The following XYLT1 variants were observed in gnomAD, a reference collection of about 807,000 sequenced individuals.
The protein encoded by XYLT1 is xylosyltransferase 1.
In XYLT1, 36 loss-of-function variants were observed where a neutral mutation model predicts 91.3. That is an observed-to-expected ratio of 0.39 (90% CI 0.30 to 0.52). The LOEUF (loss-of-function observed/expected upper bound fraction) is 0.52, where lower values mean the gene tolerates loss of function less well. Among genes scored for constraint, XYLT1 ranks in the 20% least tolerant of loss-of-function variants. The probability of loss-of-function intolerance (pLI) is 0.68; values close to 1 mark genes in which losing one functional copy is unlikely to be tolerated. For synonymous variants in XYLT1, 588 were observed against 532.0 expected, an observed-to-expected ratio of 1.11 and a Z score of -1.45; for missense variants, 1,242 against 1,284.5, an observed-to-expected ratio of 0.97 and a Z score of 0.51.
chr16:17,321,745 T>C (rs1453904600), intron 2 of XYLT1, among the ~76,000 whole-genome samples: 3 of 152,146 alleles, frequency 2.0e-5, no homozygotes, highest in South Asian at 4.1e-4. Context: ...ATAGACATTG[T>C]GGTTCCAGGG....
In XYLT1 at chr16:17,298,937, T is replaced by C. The variant is rs1596471412; in HGVS notation, c.403-39439A>G. On this transcript the variant is annotated intron_variant, in intron 2 of 11. Coordinates refer to ENST00000261381, the MANE Select transcript of XYLT1 (RefSeq NM_022166.4). ...GCTCCTCAGGCCACGTATCACTCTCTGGGCTATTAAAGATTATAATTATAA... is the reference window on the plus strand; with the variant it reads ...GCTCCTCAGGCCACGTATCACTCTCCGGGCTATTAAAGATTATAATTATAA... 2.0e-5 allele frequency among the ~76,000 whole-genome samples: 3 copies of C among 152,194 alleles called. No individual in the cohort carries two copies. The East Asian group carries it at 5.8e-4, about 29-fold the overall frequency.
rs1407448868 is a variant in XYLT1 at position 17,312,585 on chromosome 16, C to G, written c.402+45427G>C. ...TGTAACTGCAGTGCAATATTAAAAC[C>G]AGGCAATTCACATCAGTACAATACT... is the stretch of plus-strand genomic sequence containing the variant. On this transcript the variant is annotated intron_variant, in intron 2 of 11. Transcript: ENST00000261381. This position sits in a 1 kb window ranked among gnomAD's most constrained non-coding sequence, Gnocchi z 4.4. 6.6e-6 allele frequency among the ~76,000 whole-genome samples: 1 copy of G among 152,192 alleles called. No individual in the cohort carries two copies. The highest frequency in any genetic ancestry group is 1.5e-5 in the Non-Finnish European group (1 of 68,042).
At chr16:17,154,854 G>A (rs2031367691) in intron 6 of XYLT1, among the ~76,000 whole-genome samples, 4 of 152,198 alleles carry the variant, frequency 2.6e-5, no homozygotes, top group Non-Finnish European at 5.9e-5. Context: ...TAGGAGCTAC[G>A]TGGAATTAAA....
At chr16:17,129,477 G>C (rs1333231187) in intron 9 of XYLT1, among the ~76,000 whole-genome samples, 1 of 152,090 alleles carries the variant, frequency 6.6e-6, no homozygotes, top group African/African-American at 2.4e-5. Flanking sequence ...GGCCAGGCTG[G>C]TCTCAAACTC....
chr16:17,218,343 G>A (rs2032900022), intron 3 of XYLT1, among the ~76,000 whole-genome samples: 1 of 150,514 alleles, frequency 6.6e-6, no homozygotes, highest in Non-Finnish European at 1.5e-5. Context: ...GTGGGGAGAG[G>A]GGAGTAGTGC....
chr16:17,134,505 C>T lies in XYLT1; in HGVS notation c.1995G>A (p.Thr665=), dbSNP rs779046536. 31 of 1,614,028 alleles carry T rather than the reference C, an allele frequency of 1.9e-5. No homozygotes were observed. The highest frequency in any genetic ancestry group is 1.6e-4 in the Middle Eastern group (1 of 6,084). Residue 665 remains threonine, a synonymous_variant, in exon 9 of 12, where the codon ACG becomes ACA. Coordinates refer to ENST00000261381, the MANE Select transcript of XYLT1 (RefSeq NM_022166.4). ...TGTTCTCCCCATCCGTGTGCAGGGA[C>T]GTCTCGGCCCGTCGAAGACCCAGGC... ...FARLGLRRAE[T]SLHTDGENSC... is the part of the protein sequence containing the mutation.
intron 5 of XYLT1, among the ~76,000 whole-genome samples, chr16:17,192,381 C>T (rs2032333167): frequency 6.6e-6 from 1 of 152,130 alleles, no homozygotes; most frequent in African/African-American, 2.4e-5. Context: ...GCATTACAGG[C>T]ATGAGCCACC....
chr16:17,417,171 AT>A (rs2036189492), intron 1 of XYLT1, among the ~76,000 whole-genome samples: 1 of 152,218 alleles, frequency 6.6e-6, no homozygotes, highest in South Asian at 2.1e-4. Flanking sequence ...ACTCACAGTC[AT>A]TTCCAGGAGA....
At chr16:17,431,810 C>T (rs769388271) in intron 1 of XYLT1, among the ~76,000 whole-genome samples, 1 of 152,148 alleles carries the variant, frequency 6.6e-6, no homozygotes, top group Admixed American at 6.5e-5. Context: ...TTTATAAAAG[C>T]GAATCCTTTT....
At chr16:17,201,409 C>G (rs1189005848) in intron 3 of XYLT1, among the ~76,000 whole-genome samples, 1 of 152,026 alleles carries the variant, frequency 6.6e-6, no homozygotes, top group East Asian at 1.9e-4. Context: ...ATGACTCAAC[C>G]AAGTTAATTA....
intron 2 of XYLT1, among the ~76,000 whole-genome samples, chr16:17,341,653 A>G (rs2035064686): frequency 6.6e-6 from 1 of 152,198 alleles, no homozygotes; most frequent in Admixed American, 6.5e-5. Flanking sequence ...CAAAGGAAAA[A>G]TCTGGAAGTA....
chr16:17,186,577 T>A (rs773807550), intron 5 of XYLT1, among the ~76,000 whole-genome samples: 1 of 151,342 alleles, frequency 6.6e-6, no homozygotes, highest in Non-Finnish European at 1.5e-5. Flanking sequence ...AGTGCTGGGA[T>A]AGGCATGAGC....
intron 6 of XYLT1, among the ~76,000 whole-genome samples, chr16:17,158,420 G>T (rs899223390): frequency 6.6e-6 from 1 of 152,216 alleles, no homozygotes; most frequent in Non-Finnish European, 1.5e-5. Context: ...ACAGCAACTG[G>T]CACACGCCCA....
intron 2 of XYLT1, among the ~76,000 whole-genome samples, chr16:17,327,088 C>G (rs994897010): frequency 6.6e-6 from 1 of 152,240 alleles, no homozygotes; most frequent in South Asian, 2.1e-4. Flanking sequence ...ATGGACAGCA[C>G]GGGTGGGGAA....
intron 5 of XYLT1, among the ~76,000 whole-genome samples, chr16:17,195,692 C>T (rs189386275): frequency 7.0e-4 from 107 of 152,238 alleles, no homozygotes; most frequent in Middle Eastern, 6.8e-3. Context: ...GATCCACCTG[C>T]CTTGGCCTCT....
intron 5 of XYLT1, among the ~76,000 whole-genome samples, chr16:17,175,713 A>G (rs9940802): frequency 0.27 from 41,051 of 152,110 alleles, 6,138 homozygotes; most frequent in South Asian, 0.47. Context: ...CCCAGGCTGC[A>G]TGGAAGCCAG....
chr16:17,245,877 C>T (rs761602935), intron 3 of XYLT1, among the ~76,000 whole-genome samples: 14 of 152,354 alleles, frequency 9.2e-5, no homozygotes, highest in Non-Finnish European at 1.5e-4. Context: ...GGCTATTTCT[C>T]ACCCCAGGCA....
At chr16:17,337,091 T>C (rs574802328) in intron 2 of XYLT1, among the ~76,000 whole-genome samples, 2 of 151,934 alleles carry the variant, frequency 1.3e-5, no homozygotes, top group East Asian at 3.9e-4. Flanking sequence ...ACAGGGTGGG[T>C]TTTTTGGGTT....
chr16:17,391,490 T>A (rs1445042557), intron 1 of XYLT1, among the ~76,000 whole-genome samples: 3 of 152,130 alleles, frequency 2.0e-5, no homozygotes, highest in African/African-American at 7.2e-5. Context: ...TGAATTAAAC[T>A]CTCTCTATTG....
Sources: gnomAD v4.1 joint callset for allele counts (sites outside exome capture counted in the v4.1 genomes callset) on GRCh38, gnomAD v4.1.1 for gene constraint, Gnocchi (gnomAD v3.1) non-coding constraint, MANE v1.5 for transcripts, NCBI Gene and HGNC (gene_info 2026-07-23, HGNC 2026-07-21) for gene names.